The following TRAK1 variants were observed in gnomAD, a reference collection of about 807,000 sequenced individuals.
The protein encoded by TRAK1 is trafficking kinesin protein 1.
A neutral mutation model predicts 92.1 loss-of-function variants in TRAK1; 33 were observed. The ratio of observed to expected loss-of-function variants is 0.36; its 90% CI spans 0.27 to 0.48. TRAK1 has a LOEUF of 0.48. TRAK1 is among the 20% of genes least tolerant of loss of function. The pLI is 0.99. For missense variants in TRAK1, 1,123 were observed against 1,257.9 expected, an observed-to-expected ratio of 0.89 and a Z score of 1.62; for synonymous variants, 521 against 517.3, an observed-to-expected ratio of 1.01 and a Z score of -0.10.
chr3:42,148,924 C>T (rs181818269), intron 2 of TRAK1, among the ~76,000 whole-genome samples: 13 of 151,930 alleles, frequency 8.6e-5, no homozygotes, highest in Admixed American at 8.5e-4. Flanking sequence ...CTATCGTGAC[C>T]CAAAGTAGGG....
exon 1 of TRAK1, chr3:42,014,102 C>G (rs796181414): frequency 5.9e-5 from 9 of 152,260 alleles, no homozygotes; most frequent in African/African-American, 2.2e-4. Flanking sequence ...GGTTGCGCTC[C>G]GTGCACCTCT....
chr3:42,025,054 A>G (rs1701864302), intron 1 of TRAK1, among the ~76,000 whole-genome samples: 1 of 152,246 alleles, frequency 6.6e-6, no homozygotes, highest in South Asian at 2.1e-4. Context: ...TTTTAAAAGC[A>G]TACCGTGATG....
chr3:42,083,092 A>G (rs1370360642), upstream of TRAK1, among the ~76,000 whole-genome samples: 2 of 152,220 alleles, frequency 1.3e-5, no homozygotes, highest in African/African-American at 4.8e-5. Context: ...TGTTCTTCCA[A>G]ATGTATACTC....
At chr3:42,182,178 G>T (rs79728233) in intron 3 of TRAK1, among the ~76,000 whole-genome samples, 10,127 of 152,082 alleles carry the variant, frequency 0.067, 345 homozygotes, top group Middle Eastern at 0.085. Flanking sequence ...TGGGGCAGAT[G>T]CACCGTGTCC....
intron 2 of TRAK1, among the ~76,000 whole-genome samples, chr3:42,136,780 T>G (rs1223088175): frequency 6.6e-6 from 1 of 152,110 alleles, no homozygotes; most frequent in East Asian, 1.9e-4. Context: ...CCTCCTGGGT[T>G]CAAGTGATTT....
intron 1 of TRAK1, among the ~76,000 whole-genome samples, chr3:42,025,684 G>GGAGGGC (rs994479299): frequency 1.3e-5 from 2 of 151,704 alleles, no homozygotes; most frequent in African/African-American, 4.8e-5. Flanking sequence ...TGAATGTGGG[G>GGAGGGC]GAGGGCGGGG....
intron 1 of TRAK1, among the ~76,000 whole-genome samples, chr3:42,041,766 G>A (rs1702548829): frequency 6.6e-6 from 1 of 150,740 alleles, no homozygotes; most frequent in Non-Finnish European, 1.5e-5. Context: ...GGTTGAGGAA[G>A]TTCCCTTCTA....
intron 11 of TRAK1, among the ~76,000 whole-genome samples, chr3:42,200,272 G>C (rs925102108): frequency 6.6e-6 from 1 of 152,184 alleles, no homozygotes; most frequent in Non-Finnish European, 1.5e-5. Flanking sequence ...GAGCATCAAA[G>C]TGGTTCTGCT....
intron 1 of TRAK1, among the ~76,000 whole-genome samples, chr3:42,106,455 C>T (rs571313099): frequency 4.0e-4 from 61 of 152,230 alleles, no homozygotes; most frequent in African/African-American, 1.4e-3. Context: ...GTAAAGGGAT[C>T]AATTCAACAA....
intron 2 of TRAK1, among the ~76,000 whole-genome samples, chr3:42,143,629 C>T (rs965525759): frequency 1.3e-5 from 2 of 152,178 alleles, no homozygotes; most frequent in South Asian, 2.1e-4. Context: ...TGACCAGTGG[C>T]TGTGAGGCTT....
intron 1 of TRAK1, among the ~76,000 whole-genome samples, chr3:42,109,298 A>G (rs954031892): frequency 4.6e-5 from 7 of 152,232 alleles, no homozygotes; most frequent in Non-Finnish European, 1.0e-4. Context: ...GGATCCCTGC[A>G]TAACTCCATC....
intron 2 of TRAK1, among the ~76,000 whole-genome samples, chr3:42,154,648 C>T (rs1469532125): frequency 1.3e-5 from 2 of 152,100 alleles, no homozygotes; most frequent in East Asian, 3.8e-4. Context: ...CCAAGCTGGT[C>T]TTGAACTCCT....
In TRAK1 at chr3:42,219,606, C is replaced by G. The variant is rs1559406065; in HGVS notation, c.2066+10C>G. The G allele has an allele frequency of 6.2e-7, 1 of 1,602,532 alleles. No homozygotes were observed. Among genetic ancestry groups the G allele is most frequent in the African/African-American group, 1.3e-5 (1 of 74,646 alleles). On this transcript the variant is annotated intron_variant, in intron 15 of 15. Coordinates refer to ENST00000327628, the MANE Select transcript of TRAK1 (RefSeq NM_001042646.3). ...CTCGGGTCACACCAAGGTAAGGGAC[C>G]CTGGCTTTGGGGTGGGCAGGGGTGG...
At chr3:42,152,181 G>A (rs936611269) in intron 2 of TRAK1, among the ~76,000 whole-genome samples, 1 of 152,116 alleles carries the variant, frequency 6.6e-6, no homozygotes, top group Non-Finnish European at 1.5e-5. Context: ...CTTCTATTCA[G>A]CACCCATCTC....
intron 9 of TRAK1, among the ~76,000 whole-genome samples, chr3:42,194,344 C>T (rs943191093): frequency 6.6e-6 from 1 of 151,980 alleles, no homozygotes; most frequent in Non-Finnish European, 1.5e-5. Flanking sequence ...TCTCCAGGCT[C>T]AGGTGATCCT....
At chr3:42,173,865 C>G (rs983704716) in intron 2 of TRAK1, among the ~76,000 whole-genome samples, 1 of 152,138 alleles carries the variant, frequency 6.6e-6, no homozygotes, top group African/African-American at 2.4e-5. Context: ...GGGGCACCAT[C>G]GGTGTTAGCT....
At chr3:42,184,250 A>G (rs1213009853) in intron 3 of TRAK1, among the ~76,000 whole-genome samples, 1 of 152,350 alleles carries the variant, frequency 6.6e-6, no homozygotes, top group Non-Finnish European at 1.5e-5. Flanking sequence ...TTGTCAGAGC[A>G]TTTTAGAATT....
chr3:42,036,198 A>G (rs990264361), intron 1 of TRAK1, among the ~76,000 whole-genome samples: 3 of 152,184 alleles, frequency 2.0e-5, no homozygotes, highest in Non-Finnish European at 4.4e-5. Flanking sequence ...TCTGTGTGTT[A>G]CAGGGGCCTG....
chr3:42,075,905 C>T lies in TRAK1; in HGVS notation c.-518-11199C>T, dbSNP rs528513236. 2.3e-4 allele frequency among the ~76,000 whole-genome samples: 35 copies of T among 152,194 alleles called. No homozygotes were observed. The East Asian group carries it at 5.4e-3, about 23-fold the overall frequency. On this transcript the variant is annotated intron_variant, in intron 1 of 16. Transcript: ENST00000487159. Reference sequence around the variant, plus strand: ...TTGCCCAGGCTGGAGTGCAGTGGCACGATCTCGACTCACTGCCACCTCTGC... The same window carrying T: ...TTGCCCAGGCTGGAGTGCAGTGGCATGATCTCGACTCACTGCCACCTCTGC...
Sources: gnomAD v4.1 joint callset for allele counts (sites outside exome capture counted in the v4.1 genomes callset) on GRCh38, gnomAD v4.1.1 for gene constraint, MANE v1.5 for transcripts, NCBI Gene and HGNC (gene_info 2026-07-23, HGNC 2026-07-21) for gene names.